ADAMTS3: variants seen among roughly 807,000 people sequenced by gnomAD.
The protein encoded by ADAMTS3 is A disintegrin and metalloproteinase with thrombospondin motifs 3.
ADAMTS3 carries 73 observed loss-of-function variants against 129.0 expected under a neutral mutation model. That is an observed-to-expected ratio of 0.57 (90% CI 0.47 to 0.69). ADAMTS3 has a LOEUF of 0.69. ADAMTS3 is among the 30% of genes least tolerant of loss of function. The pLI is 0.00. For synonymous variants in ADAMTS3, 477 were observed against 510.8 expected (o/e 0.93, Z 0.89); for missense variants, 1,457 against 1,514.5 (o/e 0.96, Z 0.63).
intron 4 of ADAMTS3, among the ~76,000 whole-genome samples, chr4:72,385,758 C>T (rs939164209): frequency 1.3e-5 from 2 of 152,174 alleles, no homozygotes; most frequent in African/African-American, 4.8e-5. Flanking sequence ...ACTATACTCA[C>T]TACCTGGGTG....
intron 3 of ADAMTS3, among the ~76,000 whole-genome samples, chr4:72,481,652 T>C (rs1416600507): frequency 2.0e-5 from 3 of 152,184 alleles, no homozygotes; most frequent in African/African-American, 4.8e-5. Flanking sequence ...AGAGTTCTTA[T>C]GACATGAACC....
At chr4:72,435,078 C>T (rs965470216) in intron 3 of ADAMTS3, among the ~76,000 whole-genome samples, 1 of 151,852 alleles carries the variant, frequency 6.6e-6, no homozygotes, top group Non-Finnish European at 1.5e-5. Flanking sequence ...GTAATTCATG[C>T]TTGAGCAAAG....
intron 4 of ADAMTS3, among the ~76,000 whole-genome samples, chr4:72,386,422 T>C (rs906084016): frequency 6.6e-6 from 1 of 151,784 alleles, no homozygotes; most frequent in African/African-American, 2.4e-5. Context: ...AACAACATTT[T>C]GCAAAAACAC....
chr4:72,359,588 C>A (rs1204094354), intron 4 of ADAMTS3, among the ~76,000 whole-genome samples: 1 of 151,954 alleles, frequency 6.6e-6, no homozygotes, highest in Non-Finnish European at 1.5e-5. Flanking sequence ...AACACAGTTA[C>A]ATTTTTTCCC....
At chr4:72,330,864 A>G (rs1043151540) in intron 5 of ADAMTS3, 3 of 152,234 alleles carry the variant, frequency 2.0e-5, no homozygotes, top group Non-Finnish European at 4.4e-5. Flanking sequence ...AACAATGGAC[A>G]CATAGCAAAA....
chr4:72,377,465 C>G (rs1446430679), intron 4 of ADAMTS3, among the ~76,000 whole-genome samples: 3 of 152,164 alleles, frequency 2.0e-5, no homozygotes, highest in African/African-American at 7.2e-5. Context: ...AATAACTCCA[C>G]TTGAGCACTG....
chr4:72,553,854 C>T (rs1262274987), intron 2 of ADAMTS3, among the ~76,000 whole-genome samples: 1 of 152,196 alleles, frequency 6.6e-6, no homozygotes, highest in Non-Finnish European at 1.5e-5. Context: ...GCCTCATTCT[C>T]CACTTCAGCC....
intron 3 of ADAMTS3, among the ~76,000 whole-genome samples, chr4:72,547,016 G>A (rs1039163859): frequency 5.9e-5 from 9 of 152,142 alleles, no homozygotes; most frequent in African/African-American, 1.7e-4. Flanking sequence ...GATGGAGAAC[G>A]TACAGCAGAG....
At chr4:72,445,168 T>C (rs1192122431) in intron 3 of ADAMTS3, among the ~76,000 whole-genome samples, 1 of 151,758 alleles carries the variant, frequency 6.6e-6, no homozygotes, top group Non-Finnish European at 1.5e-5. Flanking sequence ...AACCACTGCA[T>C]TTTAAATAGG....
chr4:72,519,665 T>G (rs1720604718), intron 3 of ADAMTS3, among the ~76,000 whole-genome samples: 1 of 152,244 alleles, frequency 6.6e-6, no homozygotes, highest in Admixed American at 6.5e-5. Context: ...CACGTAGTTC[T>G]CAAGCCTTGG....
chr4:72,476,106 A>G (rs1216609549), intron 3 of ADAMTS3, among the ~76,000 whole-genome samples: 1 of 152,010 alleles, frequency 6.6e-6, no homozygotes, highest in African/African-American at 2.4e-5. Context: ...AGTAGAAAGA[A>G]GTAAATAAGT....
intron 2 of ADAMTS3, among the ~76,000 whole-genome samples, chr4:72,563,502 T>C (rs1490503732): frequency 6.6e-6 from 1 of 152,038 alleles, no homozygotes; most frequent in African/African-American, 2.4e-5. Context: ...AGGCTGTAGT[T>C]AAAAAAACAA....
chr4:72,558,136 C>A (rs1721812856), intron 2 of ADAMTS3, among the ~76,000 whole-genome samples: 1 of 151,826 alleles, frequency 6.6e-6, no homozygotes, highest in African/African-American at 2.4e-5. Context: ...ATGTGGACAG[C>A]ACTGTTAAAG....
intron 3 of ADAMTS3, among the ~76,000 whole-genome samples, chr4:72,492,248 TATTTG>T (rs1176515481): frequency 3.3e-5 from 5 of 151,660 alleles, no homozygotes; most frequent in Non-Finnish European, 1.5e-5. Context: ...TTTTATTCTC[TATTTG>T]ATTTATTTCT....
chr4:72,469,337 T>C (rs144348718), intron 3 of ADAMTS3, among the ~76,000 whole-genome samples: 1 of 152,120 alleles, frequency 6.6e-6, no homozygotes, highest in Non-Finnish European at 1.5e-5. Flanking sequence ...TCAAATGGTT[T>C]GAATTCATAC....
At chr4:72,341,096 G>A (rs1354482439) in intron 4 of ADAMTS3, among the ~76,000 whole-genome samples, 1 of 152,126 alleles carries the variant, frequency 6.6e-6, no homozygotes, top group African/African-American at 2.4e-5. Context: ...ATAAAATTAA[G>A]ACTGGGAAAA....
intron 3 of ADAMTS3, among the ~76,000 whole-genome samples, chr4:72,506,690 C>T (rs766453245): frequency 1.3e-5 from 2 of 152,156 alleles, no homozygotes; most frequent in African/African-American, 2.4e-5. Context: ...AGAAACAGAG[C>T]GTTCTTCCTT....
chr4:72,323,516 C>T (rs997855515), intron 5 of ADAMTS3, among the ~76,000 whole-genome samples: 2 of 152,154 alleles, frequency 1.3e-5, no homozygotes, highest in Non-Finnish European at 2.9e-5. Flanking sequence ...GCCTGTGTGA[C>T]AACCAGGGGT....
intron 3 of ADAMTS3, among the ~76,000 whole-genome samples, chr4:72,519,941 GCT>G (rs1254145564): frequency 1.3e-5 from 2 of 152,124 alleles, no homozygotes; most frequent in Non-Finnish European, 2.9e-5. Flanking sequence ...CAGTTTTTCT[GCT>G]CTGTTTTTTC....
Sources: allele counts gnomAD v4.1 joint callset (sites outside exome capture counted in the v4.1 genomes callset), GRCh38; gene constraint gnomAD v4.1.1; transcripts MANE v1.5; gene names NCBI Gene and HGNC (gene_info 2026-07-23, HGNC 2026-07-21).